Variants in FBXW10B observed in about 807,000 individuals in gnomAD.
FBXW10B encodes the protein F-box and WD repeat domain containing protein 10B.
the FBXW10B span, chr17:15,615,916 C>T: frequency 2.7e-6 from 4 of 1,468,296 alleles, no homozygotes; most frequent in Admixed American, 2.4e-5. Context: ...TAAAGATGTA[C>T]AGAATGGACC....
At chr17:15,586,611 G>A in the FBXW10B span, among the ~76,000 whole-genome samples, 1 of 151,524 alleles carries the variant, frequency 6.6e-6, no homozygotes, top group Non-Finnish European at 1.5e-5. Context: ...CTCCACCTTA[G>A]AGAAATGTGT....
the FBXW10B span, among the ~76,000 whole-genome samples, chr17:15,612,314 G>A: frequency 1.3e-5 from 2 of 151,600 alleles, no homozygotes; most frequent in Non-Finnish European, 2.9e-5. Context: ...AAGACCATCG[G>A]GGCTAACACG....
chr17:15,619,644 A>C, the FBXW10B span: 17 of 1,506,780 alleles, frequency 1.1e-5, no homozygotes, highest in Middle Eastern at 1.9e-4. Flanking sequence ...TCCCAGAGCA[A>C]AAGTAAATGG....
the FBXW10B span, among the ~76,000 whole-genome samples, chr17:15,579,252 T>C: frequency 1.3e-5 from 2 of 152,172 alleles, no homozygotes; most frequent in Non-Finnish European, 2.9e-5. Context: ...CTTACATTCT[T>C]TGCATTTCTT....
the FBXW10B span, among the ~76,000 whole-genome samples, chr17:15,602,111 TAAAA>T: frequency 7.6e-6 from 1 of 131,474 alleles, no homozygotes. Context: ...GACTCCGTCT[TAAAA>T]AAAAAAAAAA....
At chr17:15,594,692 A>G in the FBXW10B span, 2 of 1,590,484 alleles carry the variant, frequency 1.3e-6, no homozygotes, top group Non-Finnish European at 8.6e-7. Flanking sequence ...AGTCTAGGCT[A>G]TGACGGGGAA....
chr17:15,571,891 G>C, the FBXW10B span: 1 of 147,628 alleles, frequency 6.8e-6, no homozygotes, highest in Non-Finnish European at 1.5e-5. Flanking sequence ...CATGTCGTAT[G>C]ATTCCATTTA....
the FBXW10B span, among the ~76,000 whole-genome samples, chr17:15,617,358 G>A: frequency 6.6e-6 from 1 of 151,998 alleles, no homozygotes; most frequent in African/African-American, 2.4e-5. Context: ...ACTCCAAAAC[G>A]CCTCCATGTG....
chr17:15,599,029 G>T, the FBXW10B span, among the ~76,000 whole-genome samples: 1 of 152,028 alleles, frequency 6.6e-6, no homozygotes, highest in African/African-American at 2.4e-5. Context: ...ACAAAAATTA[G>T]CCAGGCATGG....
the FBXW10B span, among the ~76,000 whole-genome samples, chr17:15,617,252 C>A: frequency 6.6e-6 from 1 of 152,124 alleles, no homozygotes; most frequent in Non-Finnish European, 1.5e-5. Flanking sequence ...CCTAGGCCAT[C>A]CAGCTTTAAA....
chr17:15,585,534 AC>A, the FBXW10B span, among the ~76,000 whole-genome samples: 1 of 152,198 alleles, frequency 6.6e-6, no homozygotes, highest in African/African-American at 2.4e-5. Flanking sequence ...AGATTAGGAA[AC>A]AAAAAGACGG....
chr17:15,586,337 A>G, the FBXW10B span, among the ~76,000 whole-genome samples: 9 of 151,520 alleles, frequency 5.9e-5, 1 homozygote, highest in African/African-American at 2.0e-4. Flanking sequence ...TAAAGCATCA[A>G]TGATTTCACT....
At chr17:15,570,940 A>C in the FBXW10B span, among the ~76,000 whole-genome samples, 1 of 152,234 alleles carries the variant, frequency 6.6e-6, no homozygotes, top group Non-Finnish European at 1.5e-5. Context: ...CTTAAAATGA[A>C]AATACAAGCC....
the FBXW10B span, chr17:15,596,779 T>C: frequency 1.0e-6 from 1 of 978,058 alleles, no homozygotes; most frequent in African/African-American, 3.6e-5. Context: ...GCCCATCAAG[T>C]CAGATTCTAG....
At chr17:15,601,385 G>A in the FBXW10B span, among the ~76,000 whole-genome samples, 1 of 146,236 alleles carries the variant, frequency 6.8e-6, no homozygotes, top group South Asian at 2.2e-4. Context: ...CTCTAGCCTG[G>A]GCGACAGAGC....
chr17:15,603,239 T>C, the FBXW10B span, among the ~76,000 whole-genome samples: 4 of 151,644 alleles, frequency 2.6e-5, no homozygotes, highest in Admixed American at 6.6e-5. Context: ...ACAAAGTTAA[T>C]AGATAGTCCT....
At chr17:15,600,640 G>A in the FBXW10B span, among the ~76,000 whole-genome samples, 2 of 151,960 alleles carry the variant, frequency 1.3e-5, no homozygotes, top group Non-Finnish European at 2.9e-5. Context: ...CTTCCAGAAG[G>A]GGAACAAGAT....
the FBXW10B span, among the ~76,000 whole-genome samples, chr17:15,618,460 C>T: frequency 6.6e-6 from 1 of 151,776 alleles, no homozygotes; most frequent in Admixed American, 6.6e-5. Flanking sequence ...AACTACCACC[C>T]TAGACTTATT....
At chr17:15,605,325 G>A in the FBXW10B span, 26 of 1,596,714 alleles carry the variant, frequency 1.6e-5, 1 homozygote, top group East Asian at 2.5e-4. Flanking sequence ...AACGGGTATC[G>A]CTTTCACTTG....
Sources: gnomAD v4.1 joint callset for allele counts (sites outside exome capture counted in the v4.1 genomes callset) on GRCh38, gnomAD v4.1.1 for gene constraint, MANE v1.5 for transcripts, NCBI Gene and HGNC (gene_info 2026-07-23, HGNC 2026-07-21) for gene names.